The following VEPH1 variants were observed in gnomAD, a reference collection of about 807,000 sequenced individuals.
The protein encoded by VEPH1 is ventricular zone expressed PH domain containing 1, also known as ventricular zone-expressed PH domain-containing protein homolog 1.
VEPH1 carries 80 observed loss-of-function variants against 85.2 expected under a neutral mutation model. The observed-to-expected ratio is 0.94, with a 90% CI of 0.78 to 1.13. The LOEUF is 1.13. VEPH1 is among the 50% of genes most tolerant of loss of function. VEPH1 has a pLI of 0.00. For synonymous variants in VEPH1, 297 were observed against 348.0 expected (o/e 0.85, Z 1.63); for missense variants, 955 against 980.5 (o/e 0.97, Z 0.35).
chr3:157,340,769 C>T (rs957264643), intron 9 of VEPH1, among the ~76,000 whole-genome samples: 4 of 152,192 alleles, frequency 2.6e-5, no homozygotes, highest in Admixed American at 6.5e-5. Context: ...CTGGAAGGCA[C>T]CCCCCAGTAG....
At chr3:157,375,179 A>G (rs1322677762) in intron 7 of VEPH1, among the ~76,000 whole-genome samples, 1 of 152,246 alleles carries the variant, frequency 6.6e-6, no homozygotes, top group Admixed American at 6.5e-5. Flanking sequence ...CTCCTAGCAC[A>G]GGAGCTACCA....
intron 3 of VEPH1, among the ~76,000 whole-genome samples, 189 bp from the exon 4 acceptor site, chr3:157,460,544 C>G (rs911873346): frequency 6.6e-6 from 1 of 152,114 alleles, no homozygotes; most frequent in African/African-American, 2.4e-5. Flanking sequence ...GACCTAAAGA[C>G]AAACAGGCAG....
chr3:157,341,923 C>T lies in VEPH1; in HGVS notation c.1735+21441G>A, dbSNP rs535374187. ...ACCCAGAATTTCATATCCAGCCAAA[C>T]TAAACTTCATAAGTGAAGGAGAAAT... On this transcript the variant is annotated intron_variant, in intron 9 of 13. Coordinates refer to ENST00000362010, the MANE Select transcript of VEPH1 (RefSeq NM_001167912.2). Among the ~76,000 whole-genome samples the T allele has an allele frequency of 3.3e-5, 5 of 152,152 alleles. No individual in the cohort carries two copies. In the South Asian group the frequency reaches 1.0e-3, roughly 32 times the overall value.
intron 9 of VEPH1, among the ~76,000 whole-genome samples, chr3:157,336,614 T>C: frequency 6.6e-6 from 1 of 152,204 alleles, no homozygotes; most frequent in East Asian, 1.9e-4. Flanking sequence ...TGGGGTTTTA[T>C]TGCTAGTAGA....
At position 157,261,063 on chromosome 3, in the gene VEPH1, C is replaced by G; in HGVS notation, c.*71G>C. Reference sequence around the variant, plus strand: ...ACAACATGGCTTGGTAAATTTAGCTCTTTTTCTTGACATTGGCAATGATAA... The same window carrying G: ...ACAACATGGCTTGGTAAATTTAGCTGTTTTTCTTGACATTGGCAATGATAA... On this transcript the variant is annotated 3_prime_UTR_variant, in exon 14 of 14. Transcript: ENST00000362010. 1 of 1,564,926 alleles carries G rather than the reference C, an allele frequency of 6.4e-7. No individual in the cohort carries two copies. Among genetic ancestry groups the G allele is most frequent in the Non-Finnish European group, 8.7e-7 (1 of 1,155,562 alleles).
At chr3:157,313,918 T>C (rs1160118365) in intron 10 of VEPH1, among the ~76,000 whole-genome samples, 163 bp from the exon 11 acceptor site, 1 of 152,004 alleles carries the variant, frequency 6.6e-6, no homozygotes, top group Non-Finnish European at 1.5e-5. Context: ...ACATATGGGG[T>C]TGGGCATGAT....
chr3:157,313,159 C>T (rs1383936637), intron 11 of VEPH1, among the ~76,000 whole-genome samples: 2 of 151,944 alleles, frequency 1.3e-5, no homozygotes, highest in African/African-American at 4.8e-5. Flanking sequence ...CCGCCTCGGC[C>T]TCCCAAAGTG....
At chr3:157,304,011 ATC>A (rs1719135130) in intron 11 of VEPH1, among the ~76,000 whole-genome samples, 1 of 127,974 alleles carries the variant, frequency 7.8e-6, no homozygotes, top group South Asian at 2.8e-4. Flanking sequence ...TAAATTTCTC[ATC>A]TTATATTTTT....
rs556175634 is a variant in VEPH1 at position 157,276,041 on chromosome 3, C to T, written c.2129-10379G>A. 3.3e-5 allele frequency among the ~76,000 whole-genome samples: 5 copies of T among 152,226 alleles called. No individual in the cohort carries two copies. In the East Asian group the frequency reaches 5.8e-4, roughly 18 times the overall value. On this transcript the variant is annotated intron_variant, in intron 12 of 13. Transcript: ENST00000362010. ...ATGTTTCTTAAGAATCTCCAGGCAG[C>T]GTTTGAGAGTGCAATATTTCTCTAC...
intron 13 of VEPH1, among the ~76,000 whole-genome samples, chr3:157,263,033 G>C (rs527673721): frequency 5.3e-5 from 8 of 152,208 alleles, no homozygotes; most frequent in Non-Finnish European, 1.2e-4. Flanking sequence ...TGCCTAGCTA[G>C]TTTGTGGAGA....
intron 12 of VEPH1, among the ~76,000 whole-genome samples, chr3:157,283,404 G>C (rs979899139): frequency 6.6e-6 from 1 of 152,188 alleles, no homozygotes; most frequent in African/African-American, 2.4e-5. Context: ...CATATTATTA[G>C]AGTGATAAAT....
chr3:157,437,960 C>T, intron 4 of VEPH1: 1 of 1,511,030 alleles, frequency 6.6e-7, no homozygotes, highest in African/African-American at 1.4e-5. Flanking sequence ...GGCTTTGTTC[C>T]GGGAGCGCGC....
In VEPH1 at chr3:157,460,371, A is replaced by G. The variant is rs769877137; in HGVS notation, c.355-16T>C. 9 of 1,597,636 alleles carry G rather than the reference A, an allele frequency of 5.6e-6. No homozygotes were observed. The South Asian group carries it at 7.9e-5, about 14-fold the overall frequency. On this transcript the variant is annotated splice_polypyrimidine_tract_variant and intron_variant, in intron 3 of 13. Transcript: ENST00000362010. ...GGTTGTAATTCTGAGGAAATATAAG[A>G]AAGCCACAAATAATAAGTGACTCAT... is the stretch of plus-strand genomic sequence containing the variant.
At chr3:157,319,569 C>CAT (rs1375495615) in intron 9 of VEPH1, among the ~76,000 whole-genome samples, 1 of 152,088 alleles carries the variant, frequency 6.6e-6, no homozygotes, top group Non-Finnish European at 1.5e-5. Context: ...CTAAGTGTAA[C>CAT]ATATATATTG....
chr3:157,459,778 A>G, intron 4 of VEPH1: 2 of 1,470,744 alleles, frequency 1.4e-6, no homozygotes, highest in South Asian at 2.7e-5. Flanking sequence ...ATTTTATCTA[A>G]CAAAAGACAT....
In VEPH1 at chr3:157,299,292, C is replaced by T. The variant is rs181479244; in HGVS notation, c.2011-12618G>A. Among the ~76,000 whole-genome samples the T allele has an allele frequency of 4.0e-4, 61 of 152,096 alleles. 1 individual carries two copies. The East Asian group carries it at 0.01, about 26-fold the overall frequency. On this transcript the variant is annotated intron_variant, in intron 11 of 13. Coordinates refer to ENST00000362010, the MANE Select transcript of VEPH1 (RefSeq NM_001167912.2). ...AATGAAACATGGCCAAACGCAGTGGCTCGCACATACAATCCCAGACCTTTG... is the reference window on the plus strand; with the variant it reads ...AATGAAACATGGCCAAACGCAGTGGTTCGCACATACAATCCCAGACCTTTG...
rs372256725 is a variant in VEPH1, at chr3:157,381,109, C to G, written c.1127+47G>C. ...GGCTTAACTGTCTGCATTCTACCCC[C>G]ACAGGTGCACAGCAGCTCCCTGAGG... On this transcript the variant is annotated intron_variant, in intron 7 of 13. Transcript: ENST00000362010. 300 of 1,596,436 alleles carry G rather than the reference C, an allele frequency of 1.9e-4. 1 individual carries two copies. Among genetic ancestry groups the G allele is most frequent in the Non-Finnish European group, 2.5e-4 (287 of 1,166,114 alleles).
chr3:157,424,397 C>T (rs754883581), intron 5 of VEPH1, among the ~76,000 whole-genome samples: 41 of 152,058 alleles, frequency 2.7e-4, no homozygotes, highest in Admixed American at 4.6e-4. Flanking sequence ...TAGAGTGGGG[C>T]GTTGCTGAAA....
Position 157,437,473 on chromosome 3 carries a change from CCTGG to C in VEPH1, c.530-8989_530-8986del, listed in dbSNP as rs781680559. On this transcript the variant is annotated intron_variant, in intron 4 of 13. Transcript: ENST00000362010. ...TTTTACAAAGCACATCCAAGGCAGG[CCTGG>C]GCGGGCTGCTAACGTGTGTGTATCC... 1,810 of 1,575,652 alleles carry C rather than the reference CCTGG, an allele frequency of 1.1e-3. 2 individuals are homozygous for C. The highest frequency in any genetic ancestry group is 1.5e-3 in the Non-Finnish European group (1,708 of 1,163,316).
Sources: gnomAD v4.1 joint callset for allele counts (sites outside exome capture counted in the v4.1 genomes callset) on GRCh38, gnomAD v4.1.1 for gene constraint, MANE v1.5 for transcripts, NCBI Gene and HGNC (gene_info 2026-07-23, HGNC 2026-07-21) for gene names.